The following GRIP1 variants were observed in gnomAD, a reference collection of about 807,000 sequenced individuals.
GRIP1 encodes glutamate receptor interacting protein 1, also known as glutamate receptor-interacting protein 1.
A neutral mutation model predicts 129.9 loss-of-function variants in GRIP1; 45 were observed. The ratio of observed to expected loss-of-function variants is 0.35; its 90% CI spans 0.27 to 0.44. The LOEUF (loss-of-function observed/expected upper bound fraction) is 0.44, where lower values mean the gene tolerates loss of function less well. Ranked by LOEUF, GRIP1 falls within the 20% of genes least tolerant of loss-of-function variation. The pLI is 1.00. For synonymous variants in GRIP1, 530 were observed against 520.8 expected (o/e 1.02, Z -0.24); for missense variants, 1,196 against 1,396.8 (o/e 0.86, Z 2.29).
intron 1 of GRIP1, among the ~76,000 whole-genome samples, chr12:66,880,445 C>T (rs1292300329): frequency 6.6e-6 from 1 of 152,114 alleles, no homozygotes; most frequent in African/African-American, 2.4e-5. Context: ...CATTGGTCAA[C>T]ACTCACATTG....
intron 2 of GRIP1, among the ~76,000 whole-genome samples, chr12:66,575,209 T>C (rs2063102346): frequency 1.3e-5 from 2 of 152,232 alleles, no homozygotes; most frequent in African/African-American, 2.4e-5. Context: ...AGTCTACTTA[T>C]ATATTTTTTT....
At position 67,066,959 on chromosome 12, in the gene GRIP1, G is replaced by A. The variant is rs2043641257; in HGVS notation, c.58+2091C>T. On this transcript the variant is annotated intron_variant, in intron 1 of 1. Coordinates refer to the GRIP1 transcript ENST00000643019. ...ACAAACACCAGTTAGACAGGAAATT[G>A]TGAAAGAAACAAAACCATATATTTG... is the stretch of plus-strand genomic sequence containing the variant. Among the ~76,000 whole-genome samples the A allele has an allele frequency of 2.7e-5, 4 of 147,166 alleles. No individual in the cohort carries two copies. The South Asian group carries it at 8.6e-4, about 32-fold the overall frequency.
At chr12:66,377,707 AT>A (rs373265121) in intron 20 of GRIP1, among the ~76,000 whole-genome samples, 1 of 147,412 alleles carries the variant, frequency 6.8e-6, no homozygotes, top group East Asian at 2.0e-4. Context: ...AAAGAGAGTC[AT>A]TTTGGATCTG....
intron 7 of GRIP1, among the ~76,000 whole-genome samples, chr12:66,500,332 T>C (rs755176120): frequency 2.0e-5 from 3 of 152,124 alleles, no homozygotes; most frequent in Non-Finnish European, 4.4e-5. Context: ...ACGAAAGTCA[T>C]GAAGAAACAG....
rs75129418 is a variant in GRIP1, at chr12:66,972,182, A to C, written c.58+96868T>G. ...CAGTAAAAGAAACATTGAATTGCTGAGTCTTCTTCCCACTTAAACACCCTA... is the reference window on the plus strand; with the variant it reads ...CAGTAAAAGAAACATTGAATTGCTGCGTCTTCTTCCCACTTAAACACCCTA... On this transcript the variant is annotated intron_variant, in intron 1 of 1. Transcript: ENST00000643019. Among the ~76,000 whole-genome samples, 33 of 152,294 alleles carry C rather than the reference A, an allele frequency of 2.2e-4. No homozygotes were observed. In the East Asian group the frequency reaches 6.4e-3, roughly 29 times the overall value.
intron 7 of GRIP1, among the ~76,000 whole-genome samples, chr12:66,485,552 A>G (rs991255742): frequency 2.6e-5 from 4 of 151,970 alleles, no homozygotes; most frequent in Non-Finnish European, 5.9e-5. Context: ...CAATGCTTAA[A>G]GGTGTTTTTT....
At chr12:66,560,769 A>G (rs986258025) in intron 2 of GRIP1, among the ~76,000 whole-genome samples, 1 of 152,166 alleles carries the variant, frequency 6.6e-6, no homozygotes, top group Non-Finnish European at 1.5e-5. Context: ...GGTTCCTCAC[A>G]AAACTAAAAA....
At chr12:66,573,380 A>G in intron 2 of GRIP1, among the ~76,000 whole-genome samples, 1 of 152,176 alleles carries the variant, frequency 6.6e-6, no homozygotes, top group East Asian at 1.9e-4. Flanking sequence ...ATCCTGACCC[A>G]CAGAAACTGT....
intron 1 of GRIP1, among the ~76,000 whole-genome samples, chr12:66,764,294 G>T (rs1332015146): frequency 1.3e-5 from 2 of 152,158 alleles, no homozygotes; most frequent in Non-Finnish European, 2.9e-5. Flanking sequence ...TTTTACCTTG[G>T]CTCTAGGCTA....
At chr12:67,045,854 A>G (rs2043245449) in intron 1 of GRIP1, among the ~76,000 whole-genome samples, 2 of 152,148 alleles carry the variant, frequency 1.3e-5, no homozygotes, top group South Asian at 4.1e-4. Flanking sequence ...CAACACTTCA[A>G]CCACATGCCA....
chr12:66,459,107 T>A (rs1448260811), intron 9 of GRIP1, among the ~76,000 whole-genome samples: 2 of 152,262 alleles, frequency 1.3e-5, no homozygotes, highest in African/African-American at 4.8e-5. Flanking sequence ...ACTTTGCCTG[T>A]CTTGCTCACT....
At chr12:66,885,924 G>A (rs1340394050) in intron 1 of GRIP1, among the ~76,000 whole-genome samples, 1 of 152,158 alleles carries the variant, frequency 6.6e-6, no homozygotes, top group African/African-American at 2.4e-5. Flanking sequence ...TATCATATGT[G>A]ACTCTAAGTT....
chr12:66,662,126 G>A (rs540683483), intron 1 of GRIP1, among the ~76,000 whole-genome samples: 4 of 152,090 alleles, frequency 2.6e-5, no homozygotes, highest in African/African-American at 4.8e-5. Flanking sequence ...CATTTTCAGG[G>A]TTCTGCGGTT....
intron 2 of GRIP1, among the ~76,000 whole-genome samples, chr12:66,567,175 T>A (rs1208512214): frequency 1.3e-5 from 2 of 152,214 alleles, no homozygotes; most frequent in African/African-American, 4.8e-5. Flanking sequence ...AGCTTTTGAA[T>A]GTGTTTGCTC....
At chr12:67,038,255 G>A (rs1159560765) in intron 1 of GRIP1, among the ~76,000 whole-genome samples, 4 of 152,176 alleles carry the variant, frequency 2.6e-5, no homozygotes, top group African/African-American at 7.2e-5. Flanking sequence ...TAAGGACGTG[G>A]ACAGGATCCT....
At chr12:67,037,329 A>AAATAATAATAATAACAAT (rs2043112423) in intron 1 of GRIP1, 1 of 139,188 alleles carries the variant, frequency 7.2e-6, no homozygotes, top group South Asian at 2.4e-4. Flanking sequence ...CTCTGCCTGA[A>AAATAATAATAATAACAAT]AATAATAATA....
At chr12:66,936,308 C>T (rs1487525652) in intron 1 of GRIP1, among the ~76,000 whole-genome samples, 1 of 151,942 alleles carries the variant, frequency 6.6e-6, no homozygotes, top group African/African-American at 2.4e-5. Context: ...CACCTGTAGT[C>T]CCAGCTTTTC....
intron 1 of GRIP1, among the ~76,000 whole-genome samples, chr12:66,637,810 T>C (rs2031546815): frequency 2.0e-5 from 3 of 152,110 alleles, no homozygotes; most frequent in African/African-American, 7.2e-5. Flanking sequence ...AAATGGAAGG[T>C]CATAAATAAA....
At chr12:66,766,697 C>A (rs1002105175) in intron 1 of GRIP1, among the ~76,000 whole-genome samples, 3 of 152,118 alleles carry the variant, frequency 2.0e-5, no homozygotes, top group Non-Finnish European at 4.4e-5. Flanking sequence ...ACGTTACGAG[C>A]AAAACCTTGA....
Sources: allele counts gnomAD v4.1 joint callset (sites outside exome capture counted in the v4.1 genomes callset), GRCh38; gene constraint gnomAD v4.1.1; transcripts MANE v1.5; gene names NCBI Gene and HGNC (gene_info 2026-07-23, HGNC 2026-07-21).